Variants in SLC30A7 observed in about 807,000 individuals in gnomAD.
The protein encoded by SLC30A7 is solute carrier family 30 member 7.
A neutral mutation model predicts 46.0 loss-of-function variants in SLC30A7; 35 were observed. That is an observed-to-expected ratio of 0.76 (90% CI 0.58 to 1.01). SLC30A7 has a LOEUF of 1.01. SLC30A7 is among the 50% of genes least tolerant of loss of function. The pLI is 0.00. For missense variants in SLC30A7, 464 were observed against 451.1 expected (o/e 1.03, Z -0.26); for synonymous variants, 147 against 157.8 (o/e 0.93, Z 0.51).
chr1:100,952,568 A>C (rs1321113263), intron 8 of SLC30A7, among the ~76,000 whole-genome samples: 2 of 152,108 alleles, frequency 1.3e-5, no homozygotes, highest in African/African-American at 2.4e-5. Flanking sequence ...CTCATTCATC[A>C]CCAAATGGGG....
chr1:100,939,794 A>G (rs1244881017), intron 8 of SLC30A7, among the ~76,000 whole-genome samples: 1 of 151,768 alleles, frequency 6.6e-6, no homozygotes, highest in East Asian at 1.9e-4. Context: ...GCTTGCAGTG[A>G]GCTGAGATCG....
chr1:100,992,204 T>C, the SLC30A7 span, among the ~76,000 whole-genome samples: 1 of 152,152 alleles, frequency 6.6e-6, no homozygotes, highest in African/African-American at 2.4e-5. Context: ...AAATTTTCTC[T>C]TATATTTACC....
chr1:100,977,938 G>C lies in SLC30A7; in HGVS notation c.*3081G>C, dbSNP rs1048322181. The C allele has an allele frequency of 7.2e-5, 11 of 152,262 alleles. No individual in the cohort carries two copies. The highest frequency in any genetic ancestry group is 6.5e-4 in the Admixed American group (10 of 15,286). 9.4% of individuals were successfully genotyped at this position (152,262 alleles called of 1,614,324 possible). On this transcript the variant is annotated 3_prime_UTR_variant, in exon 11 of 11. Coordinates refer to ENST00000357650, the MANE Select transcript of SLC30A7 (RefSeq NM_133496.5). ...CCGGCTAATTTTTGTGTTTTTAGCAGAGACAGGGTTTCACCACGTTGGCCA... is the reference window on the plus strand; with the variant it reads ...CCGGCTAATTTTTGTGTTTTTAGCACAGACAGGGTTTCACCACGTTGGCCA...
At chr1:100,957,676 G>T (rs1030304547) in intron 8 of SLC30A7, among the ~76,000 whole-genome samples, 4 of 152,152 alleles carry the variant, frequency 2.6e-5, no homozygotes, top group African/African-American at 9.7e-5. Context: ...TAGTTCCCTA[G>T]ATTGAGATTG....
chr1:100,972,550 T>G (rs1558011153), intron 10 of SLC30A7: 1 of 152,112 alleles, frequency 6.6e-6, no homozygotes, highest in East Asian at 1.9e-4. Context: ...GGGCTAGGAG[T>G]AAGGAAAATG....
chr1:100,953,130 G>A (rs151068517), intron 8 of SLC30A7, among the ~76,000 whole-genome samples: 85 of 152,256 alleles, frequency 5.6e-4, no homozygotes, highest in African/African-American at 1.9e-3. Context: ...ATGTGAAGAA[G>A]GTCCTGTCTT....
chr1:100,992,490 G>T, the SLC30A7 span: 1 of 540,650 alleles, frequency 1.8e-6, no homozygotes, highest in Non-Finnish European at 3.1e-6. Flanking sequence ...TGGGATTTAA[G>T]TTAAAGTTGG....
intron 8 of SLC30A7, among the ~76,000 whole-genome samples, chr1:100,943,034 C>T (rs1654443128): frequency 6.6e-6 from 1 of 152,160 alleles, no homozygotes; most frequent in South Asian, 2.1e-4. Context: ...GAAGTTCCAA[C>T]AGCTTAGATT....
chr1:100,988,209 G>A, the SLC30A7 span, among the ~76,000 whole-genome samples: 7 of 152,042 alleles, frequency 4.6e-5, no homozygotes, highest in East Asian at 1.9e-4. Flanking sequence ...TTCTTCTAGC[G>A]GCCTTTAATT....
chr1:100,967,492 G>A (rs1173819371), intron 10 of SLC30A7, among the ~76,000 whole-genome samples: 1 of 152,118 alleles, frequency 6.6e-6, no homozygotes, highest in Non-Finnish European at 1.5e-5. Context: ...AGGGGTTAGG[G>A]ACCCCTGATC....
intron 8 of SLC30A7, among the ~76,000 whole-genome samples, chr1:100,923,648 G>T (rs1294282966): frequency 6.6e-6 from 1 of 152,114 alleles, no homozygotes; most frequent in Non-Finnish European, 1.5e-5. Context: ...CATGGTGGTT[G>T]TGTACCTATA....
At chr1:100,897,120 G>C (rs534184617) in intron 2 of SLC30A7, among the ~76,000 whole-genome samples, 1 of 151,694 alleles carries the variant, frequency 6.6e-6, no homozygotes, top group Non-Finnish European at 1.5e-5. Context: ...TGGAATGGGA[G>C]GTTTTATAAA....
At chr1:100,971,628 A>G (rs1398361717) in intron 10 of SLC30A7, among the ~76,000 whole-genome samples, 2 of 152,174 alleles carry the variant, frequency 1.3e-5, no homozygotes, top group Admixed American at 6.5e-5. Context: ...TACTGTGATC[A>G]GTACCTAACA....
chr1:100,910,533 A>G (rs1570513673), intron 3 of SLC30A7, among the ~76,000 whole-genome samples: 1 of 152,160 alleles, frequency 6.6e-6, no homozygotes. Flanking sequence ...ATAAATCTCA[A>G]GTTGTCTCTG....
intron 10 of SLC30A7, among the ~76,000 whole-genome samples, chr1:100,966,527 G>A (rs975031386): frequency 1.3e-5 from 2 of 151,180 alleles, no homozygotes; most frequent in Non-Finnish European, 2.9e-5. Context: ...GGAGCTTGCA[G>A]TGAGCCAAGA....
At chr1:100,956,347 G>A (rs531276993) in intron 8 of SLC30A7, among the ~76,000 whole-genome samples, 62 of 152,110 alleles carry the variant, frequency 4.1e-4, no homozygotes, top group South Asian at 1.2e-3. Context: ...ATGTGAAAGC[G>A]AATTTTAGGA....
intron 6 of SLC30A7, 52 bp downstream of exon 6, chr1:100,913,858 G>C: frequency 6.4e-7 from 1 of 1,566,280 alleles, no homozygotes; most frequent in Non-Finnish European, 8.7e-7. Flanking sequence ...CAAGAGTTTT[G>C]TGGATTACTT....
At chr1:100,907,837 C>T (rs1317461902) in intron 3 of SLC30A7, among the ~76,000 whole-genome samples, 1 of 151,904 alleles carries the variant, frequency 6.6e-6, no homozygotes, top group Non-Finnish European at 1.5e-5. Flanking sequence ...TTCTCCTGAA[C>T]TCCCTTTTCC....
At chr1:100,948,627 C>T (rs1307222605) in intron 8 of SLC30A7, among the ~76,000 whole-genome samples, 1 of 152,236 alleles carries the variant, frequency 6.6e-6, no homozygotes, top group Non-Finnish European at 1.5e-5. Context: ...GGATAATATC[C>T]TGAAGAGTGT....
Sources: allele counts gnomAD v4.1 joint callset (sites outside exome capture counted in the v4.1 genomes callset), GRCh38; gene constraint gnomAD v4.1.1; transcripts MANE v1.5; gene names NCBI Gene and HGNC (gene_info 2026-07-23, HGNC 2026-07-21).